POF1B: variants seen among roughly 807,000 people sequenced by gnomAD.
POF1B encodes protein POF1B.
Under a neutral mutation model 55.3 loss-of-function variants are expected in POF1B, and 53 were observed. The ratio of observed to expected loss-of-function variants is 0.96; its 90% confidence interval spans 0.77 to 1.20. The LOEUF is 1.20. POF1B is among the 50% of genes most tolerant of loss of function. POF1B has a pLI of 0.00. For synonymous variants in POF1B, 188 were observed against 148.3 expected (o/e 1.27, Z -1.95); for missense variants, 478 against 420.5 (o/e 1.14, Z -1.20).
intron 7 of POF1B, among the ~76,000 whole-genome samples, chrX:85,316,652 T>C (rs998935130): frequency 9.0e-6 from 1 of 111,528 alleles, no homozygotes; most frequent in Non-Finnish European, 1.9e-5. Flanking sequence ...AGACAGAATA[T>C]TTATTTTATT....
chrX:85,307,103 G>C (rs1376871714), intron 11 of POF1B, 60 bp downstream of exon 11: 1 of 860,313 alleles, frequency 1.2e-6, no homozygotes, highest in Non-Finnish European at 1.7e-6. Context: ...CAATGTGCCA[G>C]TAATTGTGCA....
At chrX:85,363,918 A>G (rs73627359) in intron 3 of POF1B, among the ~76,000 whole-genome samples, 6,358 of 111,130 alleles carry the variant, frequency 0.057, 477 homozygotes, top group African/African-American at 0.2. Flanking sequence ...TGCTTTATGA[A>G]TCTTGGTACA....
At chrX:85,348,229 G>T (rs781071041) in intron 5 of POF1B, among the ~76,000 whole-genome samples, 84 of 110,901 alleles carry the variant, frequency 7.6e-4, no homozygotes, top group Non-Finnish European at 1.4e-3. Flanking sequence ...CAGGTTTTCA[G>T]TTTTCAATTC....
In POF1B at chrX:85,360,560, CATAT is replaced by C. The variant is rs1491298284; in HGVS notation, c.358-934_358-931del. On this transcript the variant is annotated intron_variant, in intron 3 of 16. Transcript: ENST00000262753. ...ATATATATATATATATATATATATA[CATAT>C]ATACACATTTTCTTTATCCAATCTG... Among the ~76,000 whole-genome samples, 479 of 60,427 alleles carry C rather than the reference CATAT, an allele frequency of 7.9e-3. 43 individuals carry two copies. The highest frequency in any genetic ancestry group is 0.034 in the African/African-American group (448 of 13,175). 52.5% of individuals were successfully genotyped at this position (60,427 alleles called of 115,157 possible). A position where few individuals can be genotyped will look rare whatever the true frequency, so the allele number is the denominator to read the frequency against.
chrX:85,291,105 T>C (rs911320996), intron 15 of POF1B, among the ~76,000 whole-genome samples: 2 of 112,163 alleles, frequency 1.8e-5, no homozygotes, highest in Middle Eastern at 8.4e-3. Flanking sequence ...TTTAGTTTAT[T>C]TTTGCATATA....
chrX:85,316,143 A>G (rs1932785698), intron 7 of POF1B, among the ~76,000 whole-genome samples: 2 of 111,099 alleles, frequency 1.8e-5, no homozygotes, highest in Non-Finnish European at 3.8e-5. Context: ...TGCTGATTCC[A>G]TCTTCTCTCC....
intron 15 of POF1B, among the ~76,000 whole-genome samples, chrX:85,283,201 C>T (rs1020419058): frequency 2.0e-4 from 22 of 110,739 alleles, no homozygotes; most frequent in East Asian, 5.7e-4. Context: ...TGGCATTCAA[C>T]GAAAAATGAA....
At chrX:85,300,226 A>G (rs1368669993) in intron 15 of POF1B, among the ~76,000 whole-genome samples, 1 of 111,756 alleles carries the variant, frequency 8.9e-6, no homozygotes, top group Non-Finnish European at 1.9e-5. Context: ...GGCTGTACGC[A>G]TGTGAAGGAA....
At chrX:85,355,635 A>G (rs1933478528) in intron 4 of POF1B, among the ~76,000 whole-genome samples, 1 of 112,020 alleles carries the variant, frequency 8.9e-6, no homozygotes, top group African/African-American at 3.2e-5. Context: ...AACCCCATCG[A>G]AAAGTGGGCA....
At chrX:85,373,203 C>A (rs1045443945) in intron 2 of POF1B, among the ~76,000 whole-genome samples, 23 of 111,227 alleles carry the variant, frequency 2.1e-4, no homozygotes, top group African/African-American at 5.9e-4. Flanking sequence ...TCATGAATAT[C>A]GAAAGTTAAT....
At chrX:85,292,712 G>A (rs934133653) in intron 15 of POF1B, among the ~76,000 whole-genome samples, 1 of 110,905 alleles carries the variant, frequency 9.0e-6, no homozygotes, top group Non-Finnish European at 1.9e-5. Flanking sequence ...ACACAGCAAA[G>A]GAAACTGTCA....
intron 2 of POF1B, among the ~76,000 whole-genome samples, chrX:85,377,855 T>C (rs142740669): frequency 4.6e-3 from 516 of 112,218 alleles, no homozygotes; most frequent in African/African-American, 0.016. Context: ...AGCTTTTAAA[T>C]ATCTATTTAT....
rs764893228 is a variant in POF1B at position 85,303,438 on chromosome X, G to A, written c.1617C>T (p.Ser539=). Residue 539 remains serine, a synonymous_variant, in exon 15 of 17, where the codon TCC becomes TCT. Transcript: ENST00000262753. The part of the protein sequence containing the change: ...QEIYSSHNQP[S]TGGRTTITTK... ...TGGTAATAGTAGTCCTTCCACCAGT[G>A]GAGGGTTGGTTATGAGAGGAATATA... 6 of 1,193,029 alleles carry A rather than the reference G, an allele frequency of 5.0e-6. No homozygotes were observed. Among genetic ancestry groups the A allele is most frequent in the Middle Eastern group, 2.6e-4 (1 of 3,833 alleles).
chrX:85,328,267 C>T (rs1932922790), intron 7 of POF1B, among the ~76,000 whole-genome samples: 2 of 107,777 alleles, frequency 1.9e-5, no homozygotes, highest in African/African-American at 3.4e-5. Flanking sequence ...TGCAGTGGCG[C>T]GATCTCGGCT....
At chrX:85,324,535 CT>C (rs1282521350) in intron 7 of POF1B, among the ~76,000 whole-genome samples, 14 of 111,149 alleles carry the variant, frequency 1.3e-4, no homozygotes, top group African/African-American at 3.9e-4. Context: ...ATAACCCCTG[CT>C]TTTTTTCTGT....
chrX:85,363,552 G>A (rs1182766211), intron 3 of POF1B, among the ~76,000 whole-genome samples: 8 of 111,444 alleles, frequency 7.2e-5, no homozygotes, highest in Non-Finnish European at 1.5e-4. Context: ...GTAATTGCAT[G>A]GTTTTCAGCG....
chrX:85,365,918 G>A (rs778319339), intron 3 of POF1B, among the ~76,000 whole-genome samples: 26 of 110,986 alleles, frequency 2.3e-4, no homozygotes, highest in African/African-American at 7.9e-4. Flanking sequence ...GGCCTAAGTC[G>A]GGGGTTCCCT....
Position 85,314,441 on chromosome X carries a change from G to A in POF1B, c.948C>T (p.Tyr316=), listed in dbSNP as rs1932764646. 1 of 1,196,424 alleles carries A rather than the reference G, an allele frequency of 8.4e-7. No individual in the cohort carries two copies. The highest frequency in any genetic ancestry group is 1.1e-6 in the Non-Finnish European group (1 of 887,440). The change falls in exon 9 of 17, where the codon TAC becomes TAT. Residue 316 remains tyrosine, a synonymous_variant. Transcript: ENST00000262753. ...CTTGACCCCAACTCACCTGCAGAAT[G>A]TAGCGTATTTGCTGTTTTGTAAACT... is the stretch of plus-strand genomic sequence containing the variant. ...LSEFTKQQIR[Y]ILQMRGMSDK...
Position 85,323,220 on chromosome X carries a change from A to G in POF1B, c.855-7486T>C, listed in dbSNP as rs1196233691. Among the ~76,000 whole-genome samples the G allele has an allele frequency of 3.6e-5, 4 of 111,804 alleles. No homozygotes were observed. The South Asian group carries it at 1.5e-3, about 42-fold the overall frequency. ...CAAATGTCCAACAATGATAGATTGG[A>G]TTAAGAAAATGTGGCACATATACAC... is the stretch of plus-strand genomic sequence containing the variant. On this transcript the variant is annotated intron_variant, in intron 7 of 16. Coordinates refer to ENST00000262753, the MANE Select transcript of POF1B (RefSeq NM_024921.4).
Sources: gnomAD v4.1 joint callset for allele counts (sites outside exome capture counted in the v4.1 genomes callset) on GRCh38, gnomAD v4.1.1 for gene constraint, MANE v1.5 for transcripts, NCBI Gene and HGNC (gene_info 2026-07-23, HGNC 2026-07-21) for gene names.